The following FLNB variants were observed in gnomAD, a reference collection of about 807,000 sequenced individuals.
FLNB encodes the protein filamin-B.
In FLNB, 111 loss-of-function variants were observed where a neutral mutation model predicts 250.6. The observed-to-expected ratio is 0.44, with a 90% confidence interval of 0.38 to 0.52. FLNB has a LOEUF of 0.52. FLNB is among the 20% of genes least tolerant of loss of function. FLNB has a pLI of 0.00. For synonymous variants in FLNB, 1,302 were observed against 1,372.1 expected, an observed-to-expected ratio of 0.95 and a Z score of 1.13; for missense variants, 2,869 against 3,447.8, an observed-to-expected ratio of 0.83 and a Z score of 4.20.
chr3:58,169,800 G>A lies in FLNB; in HGVS notation c.7621+7G>A, dbSNP rs1318638799. On this transcript the variant is annotated splice_region_variant and intron_variant, in intron 45 of 45. Coordinates refer to ENST00000295956, the MANE Select transcript of FLNB (RefSeq NM_001457.4). The surrounding 1 kb of genome is among the most constrained non-coding windows in gnomAD (Gnocchi z 4.8). ...GTGGACTGCAGCAAAGCTGGTAGGT[G>A]TCTGGGCCTTTTCAAGGGTGGGGTG... The A allele has an allele frequency of 1.4e-6, 2 of 1,469,714 alleles. No homozygotes were observed. The highest frequency in any genetic ancestry group is 2.3e-5 in the South Asian group (2 of 88,728). The allele number at this position is 1,469,714 out of a possible 1,614,324, so 91.0% of individuals were successfully genotyped here.
intron 1 of FLNB, among the ~76,000 whole-genome samples, chr3:58,072,947 A>G (rs115260536): frequency 1.3e-5 from 2 of 152,334 alleles, no homozygotes; most frequent in Non-Finnish European, 2.9e-5. Flanking sequence ...TTTCATGTTA[A>G]TGATTTCATG....
chr3:58,160,691 G>A (rs565709642), intron 42 of FLNB, among the ~76,000 whole-genome samples: 1 of 152,274 alleles, frequency 6.6e-6, no homozygotes, highest in South Asian at 2.1e-4. Flanking sequence ...TTTGTATAGT[G>A]TAGTTGGAAA....
rs1225509466 is a variant in FLNB, at chr3:58,126,684, A to C, written c.4144A>C (p.Ser1382Arg). The C allele has an allele frequency of 6.2e-7, 1 of 1,613,796 alleles. No individual in the cohort carries two copies. The highest frequency in any genetic ancestry group is 1.1e-5 in the South Asian group (1 of 91,070). The change falls in exon 24 of 46, where the codon AGC (serine) becomes CGC (arginine). Residue 1382 changes from serine (S) to arginine (R), a missense_variant. Coordinates refer to ENST00000295956, the MANE Select transcript of FLNB (RefSeq NM_001457.4). Reference protein sequence around the residue: ...KINCRDNKDGSCSAEYIPFAP... With the variant: ...KINCRDNKDGRCSAEYIPFAP... ...AAATTGCAGAGACAACAAGGATGGC[A>C]GCTGCAGTGCTGAGTACATTCCTTT...
At chr3:58,138,080 A>G (rs187889983) in intron 28 of FLNB, among the ~76,000 whole-genome samples, 1 of 152,308 alleles carries the variant, frequency 6.6e-6, no homozygotes, top group African/African-American at 2.4e-5. Context: ...GAGCTTACAG[A>G]TGCTCCTTAT....
intron 28 of FLNB, among the ~76,000 whole-genome samples, chr3:58,137,019 C>T (rs547563006): frequency 3.3e-5 from 5 of 152,230 alleles, no homozygotes; most frequent in Admixed American, 1.3e-4. Flanking sequence ...CACGCCTGGC[C>T]GGCCTTTCAG....
At position 58,095,233 on chromosome 3, in the gene FLNB, T is replaced by G. The variant is rs78794808; in HGVS notation, c.906+279T>G. Among the ~76,000 whole-genome samples, 358 of 123,470 alleles carry G rather than the reference T, an allele frequency of 2.9e-3. No homozygotes were observed. Among genetic ancestry groups the G allele is most frequent in the Admixed American group, 5.2e-3 (63 of 12,096 alleles). 81.0% of individuals were successfully genotyped at this position (123,470 alleles called of 152,430 possible). ...TGTCAGTTGAGGTTTATGTATGTAT[T>G]TATTTATTTATTTATTTATTTATTG... On this transcript the variant is annotated intron_variant, in intron 5 of 45. Transcript: ENST00000295956.
At chr3:58,117,790 G>GTTT (rs112592090) in intron 18 of FLNB, among the ~76,000 whole-genome samples, 1 of 141,848 alleles carries the variant, frequency 7.0e-6, no homozygotes. Flanking sequence ...GATGCAACCA[G>GTTT]TTTTTTTTTT....
rs1219965135 is a variant in FLNB, at chr3:58,164,392, G to A, written c.7198+1062G>A. Reference sequence around the variant, plus strand: ...ACTCACTGGGGCATGTTTGCATTTGGTGTTACTTTGGACCCTCTTGGGAAA... The same window carrying A: ...ACTCACTGGGGCATGTTTGCATTTGATGTTACTTTGGACCCTCTTGGGAAA... On this transcript the variant is annotated intron_variant, in intron 43 of 45. Coordinates refer to ENST00000295956, the MANE Select transcript of FLNB (RefSeq NM_001457.4). The surrounding 1 kb of genome is among the most constrained non-coding windows in gnomAD (Gnocchi z 4.0). The A allele has an allele frequency of 6.6e-6, 1 of 152,434 alleles. No individual in the cohort carries two copies. The highest frequency in any genetic ancestry group is 1.5e-5 in the Non-Finnish European group (1 of 68,202). The allele number at this position is 152,434 out of a possible 1,614,324, so 9.4% of individuals were successfully genotyped here.
At chr3:58,009,899 G>T (rs2097095911) in intron 1 of FLNB, among the ~76,000 whole-genome samples, 1 of 152,174 alleles carries the variant, frequency 6.6e-6, no homozygotes, top group Non-Finnish European at 1.5e-5. Context: ...TGAGATAGTT[G>T]GAGGCTTCCC....
rs149548581 is a variant in FLNB, at chr3:58,029,068, T to C, written c.292+20212T>C. Among the ~76,000 whole-genome samples, 645 of 149,786 alleles carry C rather than the reference T, an allele frequency of 4.3e-3. 4 individuals are homozygous for C. Among genetic ancestry groups the C allele is most frequent in the Non-Finnish European group, 5.8e-3 (390 of 66,698 alleles). On this transcript the variant is annotated intron_variant, in intron 1 of 45. Coordinates refer to ENST00000295956, the MANE Select transcript of FLNB (RefSeq NM_001457.4). ...CTGCACTGAAGCCGGAGTGACAGAG[T>C]GAGACCTTGTCTCTTAAAATAAATT...
intron 1 of FLNB, among the ~76,000 whole-genome samples, chr3:58,017,673 T>C (rs1308875311): frequency 6.6e-6 from 1 of 152,204 alleles, no homozygotes; most frequent in African/African-American, 2.4e-5. Flanking sequence ...TTTGATAAAC[T>C]GTAGATGGTT....
rs1718461 is a variant in FLNB, at chr3:58,070,729, G to A, written c.293-6317G>A. 8.4e-3 allele frequency among the ~76,000 whole-genome samples: 1,231 copies of A among 145,720 alleles called. 20 individuals carry two copies. The highest frequency in any genetic ancestry group is 0.029 in the African/African-American group (1,156 of 39,392). ...GGCTGGAGTGCAGTGGTGCTATCTT[G>A]GCTCACTGCAACCTCTGCCTCCTGG... On this transcript the variant is annotated intron_variant, in intron 1 of 45. Coordinates refer to ENST00000295956, the MANE Select transcript of FLNB (RefSeq NM_001457.4).
rs2097342020 is a variant in FLNB at position 58,149,944 on chromosome 3, C to T, written c.6186C>T (p.Phe2062=). 1 of 1,614,270 alleles carries T rather than the reference C, an allele frequency of 6.2e-7. No individual in the cohort carries two copies. Among genetic ancestry groups the T allele is most frequent in the Non-Finnish European group, 8.5e-7 (1 of 1,180,052 alleles). ...LEDGTCKVSY[F]PTVPGVYIVS... Reference sequence around the variant, plus strand: ...ATGGCACCTGCAAAGTCTCCTACTTCCCTACCGTGCCTGGGGTTTATATCG... The same window carrying T: ...ATGGCACCTGCAAAGTCTCCTACTTTCCTACCGTGCCTGGGGTTTATATCG... The change falls in exon 37 of 46, where the codon TTC becomes TTT. Residue 2062 remains phenylalanine (F), a synonymous_variant. Coordinates refer to ENST00000295956, the MANE Select transcript of FLNB (RefSeq NM_001457.4).
intron 26 of FLNB, among the ~76,000 whole-genome samples, chr3:58,133,437 GAAAAAAAA>G (rs55916881): frequency 2.5e-4 from 17 of 67,616 alleles, no homozygotes; most frequent in South Asian, 4.7e-4. Flanking sequence ...GACATCTCTG[GAAAAAAAA>G]AAAAAAAAAA....
intron 43 of FLNB, 54 bp from the exon 44 acceptor site, chr3:58,168,386 C>T: frequency 7.1e-7 from 1 of 1,407,622 alleles, no homozygotes; most frequent in South Asian, 1.2e-5. Flanking sequence ...CCTCAGTGCT[C>T]CCAGGAAAGC....
intron 38 of FLNB, chr3:58,152,757 G>A: frequency 2.2e-6 from 3 of 1,339,046 alleles, no homozygotes; most frequent in Non-Finnish European, 2.0e-6. Context: ...GCTGGAGGGT[G>A]CAGTTTCATA....
At chr3:58,035,313 T>C (rs2097136549) in intron 1 of FLNB, among the ~76,000 whole-genome samples, 1 of 152,320 alleles carries the variant, frequency 6.6e-6, no homozygotes, top group Middle Eastern at 3.4e-3. Context: ...AAGCTGTCTA[T>C]GTAATTAAAA....
chr3:58,018,121 C>T (rs2097108337), intron 1 of FLNB, among the ~76,000 whole-genome samples: 1 of 151,996 alleles, frequency 6.6e-6, no homozygotes, highest in Non-Finnish European at 1.5e-5. Context: ...TTTCTCACAC[C>T]TTCCGTCTGC....
intron 44 of FLNB, 143 bp downstream of exon 44, chr3:58,168,801 A>C: frequency 2.8e-6 from 2 of 711,858 alleles, no homozygotes; most frequent in Non-Finnish European, 5.1e-6. Flanking sequence ...ATGAGATGTC[A>C]GAGGGCAGTG....
Sources: allele counts gnomAD v4.1 joint callset (sites outside exome capture counted in the v4.1 genomes callset), GRCh38; gene constraint gnomAD v4.1.1; non-coding constraint Gnocchi (gnomAD v3.1); transcripts MANE v1.5; gene names NCBI Gene and HGNC (gene_info 2026-07-23, HGNC 2026-07-21).